Variants in PEDS1 observed in about 807,000 individuals in gnomAD.
PEDS1 encodes the protein CarF homolog.
Under a neutral mutation model 35.2 loss-of-function variants are expected in PEDS1, and 14 were observed. The ratio of observed to expected loss-of-function variants is 0.40; its 90% CI spans 0.26 to 0.62. The LOEUF is 0.62. PEDS1 is among the 20% of genes least tolerant of loss of function. PEDS1 has a pLI of 0.44. For missense variants in PEDS1, 260 were observed against 367.8 expected (o/e 0.71, Z 2.40); for synonymous variants, 152 against 152.0 (o/e 1.00, Z 0.00).
chr20:50,126,835 G>A (rs2147268501), intron 5 of PEDS1, among the ~76,000 whole-genome samples: 1 of 152,310 alleles, frequency 6.6e-6, no homozygotes, highest in East Asian at 1.9e-4. Flanking sequence ...CACTGCACTG[G>A]GCATGTTCCT....
intron 1 of PEDS1, among the ~76,000 whole-genome samples, chr20:50,144,914 A>G (rs1361671444): frequency 6.6e-6 from 1 of 152,222 alleles, no homozygotes; most frequent in Non-Finnish European, 1.5e-5. Flanking sequence ...ATAAAAAAAT[A>G]AAAGGGGGCC....
chr20:50,136,109 A>C (rs562145201), intron 2 of PEDS1, among the ~76,000 whole-genome samples: 63 of 152,172 alleles, frequency 4.1e-4, no homozygotes, highest in African/African-American at 1.4e-3. Context: ...AAAAAAAAAA[A>C]CCTGATATTT....
At chr20:50,143,666 C>T in intron 1 of PEDS1, 45 bp from the exon 2 acceptor site, 1 of 1,608,792 alleles carries the variant, frequency 6.2e-7, no homozygotes, top group Non-Finnish European at 8.5e-7. Flanking sequence ...AGGTCAAGGC[C>T]AGGCAGAGTG....
At chr20:50,150,320 T>C (rs1181502337) in intron 1 of PEDS1, among the ~76,000 whole-genome samples, 1 of 152,176 alleles carries the variant, frequency 6.6e-6, no homozygotes, top group Non-Finnish European at 1.5e-5. Flanking sequence ...ATTCTGCTCC[T>C]AGAACCCAGG....
Position 50,128,615 on chromosome 20 carries a change from TCAAGGGAGC to T in PEDS1, c.479-437_479-429del. On this transcript the variant is annotated intron_variant, in intron 4 of 5. Coordinates refer to ENST00000371652, the MANE Select transcript of PEDS1 (RefSeq NM_199129.4). This position sits in a 1 kb window ranked among gnomAD's most constrained non-coding sequence, Gnocchi z 5.2. Reference sequence around the variant, plus strand: ...AACAGGTTCTTGTGCATGTGATTTATCAAGGGAGCCTCTTCAGGAAAAAACCTCGAAGGG... The same window carrying T: ...AACAGGTTCTTGTGCATGTGATTTATCTCTTCAGGAAAAAACCTCGAAGGG... Among the ~76,000 whole-genome samples, 1 of 152,038 alleles carries T rather than the reference TCAAGGGAGC, an allele frequency of 6.6e-6. No individual in the cohort carries two copies. The highest frequency in any genetic ancestry group is 2.4e-5 in the African/African-American group (1 of 41,370).
rs995805314 is a variant in PEDS1, at chr20:50,124,749, C to T, written c.*309G>A. The T allele has an allele frequency of 1.0e-4, 30 of 287,712 alleles. No individual in the cohort carries two copies. In the East Asian group the frequency reaches 1.4e-3, roughly 14 times the overall value. 17.8% of individuals were successfully genotyped at this position (287,712 alleles called of 1,614,324 possible). On this transcript the variant is annotated 3_prime_UTR_variant, in exon 6 of 6. Coordinates refer to ENST00000371652, the MANE Select transcript of PEDS1 (RefSeq NM_199129.4). Reference sequence around the variant, plus strand: ...CCAGCCACACTGAAGGGCTGCCCAGCGGGGCAGGGACGGCAGGCGTGCAGG... The same window carrying T: ...CCAGCCACACTGAAGGGCTGCCCAGTGGGGCAGGGACGGCAGGCGTGCAGG...
rs373200534 is a variant in PEDS1 at position 50,131,322 on chromosome 20, TAGAA to T, written c.242-379_242-376del. On this transcript the variant is annotated intron_variant, in intron 2 of 5. Coordinates refer to ENST00000371652, the MANE Select transcript of PEDS1 (RefSeq NM_199129.4). ...AGCAATGTCCTTCTGGGTTTGGTGT[TAGAA>T]AGAAAGTACCTCGGCCAGGTGCGGT... Among the ~76,000 whole-genome samples the T allele has an allele frequency of 1.5e-3, 229 of 152,238 alleles. 1 individual carries two copies. The highest frequency in any genetic ancestry group is 5.3e-3 in the African/African-American group (220 of 41,560).
chr20:50,150,000 C>T (rs2081386217), intron 1 of PEDS1, among the ~76,000 whole-genome samples: 1 of 152,160 alleles, frequency 6.6e-6, no homozygotes, highest in Non-Finnish European at 1.5e-5. Flanking sequence ...TTTAATCAAA[C>T]CAAATAGGTT....
chr20:50,143,683 C>A lies in PEDS1; in HGVS notation c.122-62G>T, dbSNP rs904644413. The A allele has an allele frequency of 7.0e-5, 110 of 1,570,604 alleles. 1 individual carries two copies. The South Asian group carries it at 1.1e-3, about 16-fold the overall frequency. ...GTCAAGGCCAGGCAGAGTGTGGCCC[C>A]ATGGGAACTTTTCTTTTCTTTTTTT... On this transcript the variant is annotated intron_variant, in intron 1 of 5. Coordinates refer to ENST00000371652, the MANE Select transcript of PEDS1 (RefSeq NM_199129.4).
chr20:50,131,045 G>C, intron 2 of PEDS1, 98 bp from the exon 3 acceptor site: 1 of 1,596,360 alleles, frequency 6.3e-7, no homozygotes. Flanking sequence ...TTTGTTAGGA[G>C]GGGAAGGTGT....
intron 1 of PEDS1, among the ~76,000 whole-genome samples, chr20:50,149,276 TC>T (rs2081377434): frequency 6.6e-6 from 1 of 151,816 alleles, no homozygotes; most frequent in African/African-American, 2.4e-5. Context: ...ACCTTTCCCT[TC>T]CCCCTGTGCC....
Position 50,124,240 on chromosome 20 carries a change from G to A in PEDS1, c.*818C>T, listed in dbSNP as rs1044658651. ...AAACATGACATTAAAATATTACTCC[G>A]TGTTACAGAAAAGATATTAAGGCTT... On this transcript the variant is annotated 3_prime_UTR_variant, in exon 6 of 6. Coordinates refer to ENST00000371652, the MANE Select transcript of PEDS1 (RefSeq NM_199129.4). 4.6e-5 allele frequency: 7 copies of A among 152,484 alleles called. No individual in the cohort carries two copies. The highest frequency in any genetic ancestry group is 4.4e-5 in the Non-Finnish European group (3 of 68,026). 9.4% of individuals were successfully genotyped at this position (152,484 alleles called of 1,614,324 possible). A position where few individuals can be genotyped will look rare whatever the true frequency, so the allele number is the denominator to read the frequency against.
chr20:50,147,620 A>G (rs2081358985), intron 1 of PEDS1, among the ~76,000 whole-genome samples: 1 of 152,200 alleles, frequency 6.6e-6, no homozygotes, highest in South Asian at 2.1e-4. Context: ...CCTGAAACCA[A>G]AGATGATCCA....
intron 1 of PEDS1, among the ~76,000 whole-genome samples, chr20:50,146,504 G>A (rs1015028276): frequency 6.6e-6 from 1 of 152,070 alleles, no homozygotes; most frequent in African/African-American, 2.4e-5. Flanking sequence ...TCTGGGTGCC[G>A]CTCACCGACA....
chr20:50,151,376 A>G, intron 1 of PEDS1: 1 of 1,065,626 alleles, frequency 9.4e-7, no homozygotes, highest in Non-Finnish European at 1.3e-6. Flanking sequence ...GGAAACAGCA[A>G]TCCCTGGGGA....
intron 2 of PEDS1, among the ~76,000 whole-genome samples, chr20:50,140,195 C>T (rs78516455): frequency 0.056 from 8,595 of 152,328 alleles, 340 homozygotes; most frequent in Non-Finnish European, 0.083. Context: ...CACAGCTCCT[C>T]CAGAATTTGA....
At chr20:50,130,501 A>C (rs1357509532) in intron 3 of PEDS1, among the ~76,000 whole-genome samples, 1 of 152,194 alleles carries the variant, frequency 6.6e-6, no homozygotes, top group Non-Finnish European at 1.5e-5. Context: ...TGTTTGCCTA[A>C]GCCAGTTTAG....
intron 1 of PEDS1, among the ~76,000 whole-genome samples, chr20:50,146,036 C>A (rs1216838234): frequency 6.6e-6 from 1 of 152,182 alleles, no homozygotes; most frequent in Non-Finnish European, 1.5e-5. Context: ...GTCCCTCCCT[C>A]TATTCCCCAT....
At chr20:50,127,089 TC>T (rs35683508) in intron 5 of PEDS1, among the ~76,000 whole-genome samples, 2,965 of 152,252 alleles carry the variant, frequency 0.019, 33 homozygotes, top group Non-Finnish European at 0.026. Context: ...CACCTACTGT[TC>T]CTGCTGCCTA....
Sources: gnomAD v4.1 joint callset for allele counts (sites outside exome capture counted in the v4.1 genomes callset) on GRCh38, gnomAD v4.1.1 for gene constraint, Gnocchi (gnomAD v3.1) non-coding constraint, MANE v1.5 for transcripts, NCBI Gene and HGNC (gene_info 2026-07-23, HGNC 2026-07-21) for gene names.